TMC1: variants seen among roughly 807,000 people sequenced by gnomAD.
TMC1 encodes the protein transmembrane channel-like protein 1.
Under a neutral mutation model 105.8 loss-of-function variants are expected in TMC1, and 84 were observed. The ratio of observed to expected loss-of-function variants is 0.79; its 90% CI spans 0.67 to 0.95. TMC1 has a LOEUF of 0.95. Ranked by LOEUF, TMC1 falls within the 40% of genes least tolerant of loss-of-function variation. TMC1 has a pLI of 0.00. For synonymous variants in TMC1, 315 were observed against 311.5 expected (o/e 1.01, Z -0.12); for missense variants, 817 against 914.1 (o/e 0.89, Z 1.37).
intron 8 of TMC1, among the ~76,000 whole-genome samples, chr9:72,731,581 G>A (rs1482857888): frequency 6.6e-6 from 1 of 152,114 alleles, no homozygotes; most frequent in Non-Finnish European, 1.5e-5. Context: ...GTATATCATT[G>A]TTGAAACATT....
rs1388715565 is a variant in TMC1 at position 72,789,195 on chromosome 9, G to C, written c.1102G>C (p.Ala368Pro). Residue 368 changes from alanine to proline, a missense_variant, in exon 15 of 24, where the codon GCT (alanine) becomes CCT (proline). Transcript: ENST00000297784. The stretch of plus-strand genomic sequence containing the variant: ...CTTGATCAGATTCCTGAGGTTTCTG[G>C]CTAACTTCTTCGTGTTTCTAACACT... Reference protein sequence around the residue: ...VHLIRFLRFLANFFVFLTLGG... With the variant: ...VHLIRFLRFLPNFFVFLTLGG... 11 of 1,613,668 alleles carry C rather than the reference G, an allele frequency of 6.8e-6. No individual in the cohort carries two copies. Among genetic ancestry groups the C allele is most frequent in the Non-Finnish European group, 8.5e-6 (10 of 1,179,964 alleles).
intron 4 of TMC1, among the ~76,000 whole-genome samples, chr9:72,645,498 A>C (rs911804624): frequency 6.6e-6 from 1 of 152,184 alleles, no homozygotes; most frequent in African/African-American, 2.4e-5. Flanking sequence ...TCAAGAGCAA[A>C]GATCATGGCA....
chr9:72,719,018 AC>A (rs1392974247), intron 8 of TMC1, among the ~76,000 whole-genome samples: 2 of 152,100 alleles, frequency 1.3e-5, no homozygotes, highest in Non-Finnish European at 1.5e-5. Context: ...CTCCCATGCA[AC>A]CCAAAAGGCT....
At chr9:72,625,034 A>G (rs774380111) in intron 3 of TMC1, among the ~76,000 whole-genome samples, 2 of 152,176 alleles carry the variant, frequency 1.3e-5, no homozygotes, top group African/African-American at 4.8e-5. Flanking sequence ...GTTTTAAAAC[A>G]TGTCTGAAAA....
intron 18 of TMC1, among the ~76,000 whole-genome samples, chr9:72,812,781 T>A (rs908497645): frequency 6.6e-5 from 10 of 152,236 alleles, no homozygotes; most frequent in African/African-American, 2.2e-4. Flanking sequence ...AGGCAACTCA[T>A]TCCACAACAG....
At position 72,792,259 on chromosome 9, in the gene TMC1, T is replaced by C; in HGVS notation, c.1473T>C (p.Asn491=). ...AAGCCAATATGATCAAGGCCTACAA[T>C]GCATCATTCTCTGAAAATAGCACTG... ...LWEANMIKAY[N]ASFSENSTGP... The change falls in exon 17 of 24, where the codon AAT becomes AAC. Residue 491 remains asparagine, a synonymous_variant. Coordinates refer to ENST00000297784, the MANE Select transcript of TMC1 (RefSeq NM_138691.3). 1 of 1,614,188 alleles carries C rather than the reference T, an allele frequency of 6.2e-7. No homozygotes were observed. The highest frequency in any genetic ancestry group is 1.1e-5 in the South Asian group (1 of 91,090).
chr9:72,816,047 A>G (rs1039296586), intron 18 of TMC1, 96 bp from the exon 19 acceptor site: 1 of 1,001,278 alleles, frequency 1.0e-6, no homozygotes, highest in South Asian at 1.3e-5. Flanking sequence ...GCTGAAGGGA[A>G]GTAATTGAAA....
chr9:72,606,803 A>T (rs937810909), intron 2 of TMC1, among the ~76,000 whole-genome samples: 13 of 152,108 alleles, frequency 8.5e-5, no homozygotes, highest in Admixed American at 5.9e-4. Context: ...CCTGGGTTTG[A>T]ATATTTACTT....
At chr9:72,570,751 C>T (rs1319312225) in intron 1 of TMC1, among the ~76,000 whole-genome samples, 8 of 115,362 alleles carry the variant, frequency 6.9e-5, no homozygotes, top group Admixed American at 3.8e-4. Flanking sequence ...TGCAGTGGTG[C>T]GATCTCGGCT....
In TMC1 at chr9:72,761,511, A is replaced by G. The variant is rs184216578; in HGVS notation, c.741+6627A>G. Among the ~76,000 whole-genome samples, 438 of 152,282 alleles carry G rather than the reference A, an allele frequency of 2.9e-3. 2 individuals carry two copies. Among genetic ancestry groups the G allele is most frequent in the African/African-American group, 0.01 (420 of 41,560 alleles). ...TTCTGCTGATTATCATAGATGTGGGAGATAGAAGATATCCTACAATGGGCA... is the reference window on the plus strand; with the variant it reads ...TTCTGCTGATTATCATAGATGTGGGGGATAGAAGATATCCTACAATGGGCA... On this transcript the variant is annotated intron_variant, in intron 12 of 23. Transcript: ENST00000297784.
intron 2 of TMC1, among the ~76,000 whole-genome samples, chr9:72,582,209 A>G (rs6560294): frequency 0.58 from 87,875 of 152,084 alleles, 27,061 homozygotes; most frequent in African/African-American, 0.81. Context: ...CACCCGCCTC[A>G]GTCTCCCAAA....
At chr9:72,784,354 G>C (rs1828137204) in intron 13 of TMC1, among the ~76,000 whole-genome samples, 1 of 152,148 alleles carries the variant, frequency 6.6e-6, no homozygotes, top group Admixed American at 6.5e-5. Context: ...TTAGAGAAAT[G>C]CAAAGTAAAG....
rs1340857873 is a variant in TMC1 at position 72,837,089 on chromosome 9, T to C, written c.*1116T>C. 1 of 152,440 alleles carries C rather than the reference T, an allele frequency of 6.6e-6. No homozygotes were observed. The highest frequency in any genetic ancestry group is 1.9e-4 in the East Asian group (1 of 5,200). 9.4% of individuals were successfully genotyped at this position (152,440 alleles called of 1,614,324 possible). ...CGCTTGATTTTTTTGGCGGATGGGC[T>C]GTCCGTGTGGATGGTGGCCTGCCGG... On this transcript the variant is annotated 3_prime_UTR_variant, in exon 24 of 24. Transcript: ENST00000297784.
At chr9:72,652,857 C>T (rs940754177) in intron 5 of TMC1, among the ~76,000 whole-genome samples, 7 of 152,118 alleles carry the variant, frequency 4.6e-5, no homozygotes, top group African/African-American at 1.7e-4. Flanking sequence ...CATTTCTAAA[C>T]TTTGAATTGA....
chr9:72,769,360 CTTTA>C (rs1287855102), intron 12 of TMC1, among the ~76,000 whole-genome samples: 2 of 152,198 alleles, frequency 1.3e-5, no homozygotes, highest in African/African-American at 2.4e-5. Context: ...AACATGCCGC[CTTTA>C]TTATTGTTAA....
At chr9:72,526,390 A>G (rs1423780646) in intron 1 of TMC1, among the ~76,000 whole-genome samples, 1 of 152,246 alleles carries the variant, frequency 6.6e-6, no homozygotes, top group Non-Finnish European at 1.5e-5. Flanking sequence ...CTCAATGGAT[A>G]CTACTTACAC....
chr9:72,643,788 T>A (rs1345885796), intron 4 of TMC1, among the ~76,000 whole-genome samples: 1 of 152,166 alleles, frequency 6.6e-6, no homozygotes, highest in Admixed American at 6.5e-5. Context: ...CTTGGGTAAA[T>A]GTCTTAGAGT....
intron 2 of TMC1, among the ~76,000 whole-genome samples, chr9:72,590,073 A>AT (rs1343290246): frequency 6.6e-6 from 1 of 152,182 alleles, no homozygotes; most frequent in Non-Finnish European, 1.5e-5. Context: ...GGCCTGCACC[A>AT]TTCCATCTGC....
intron 15 of TMC1, 117 bp from the exon 16 acceptor site, chr9:72,791,768 AT>A (rs1828271104): frequency 1.2e-6 from 1 of 845,200 alleles, no homozygotes; most frequent in South Asian, 1.4e-5. Context: ...TAAAATAGTC[AT>A]TTTTAGTCTT....
Sources: allele counts gnomAD v4.1 joint callset (sites outside exome capture counted in the v4.1 genomes callset), GRCh38; gene constraint gnomAD v4.1.1; transcripts MANE v1.5; gene names NCBI Gene and HGNC (gene_info 2026-07-23, HGNC 2026-07-21).